The following MAGI1 variants were observed in gnomAD, a reference collection of about 807,000 sequenced individuals.
MAGI1 encodes membrane-associated guanylate kinase, WW and PDZ domain-containing protein 1.
MAGI1 carries 58 observed loss-of-function variants against 139.9 expected under a neutral mutation model. The ratio of observed to expected loss-of-function variants is 0.41; its 90% CI spans 0.34 to 0.52. MAGI1 has a LOEUF of 0.52. MAGI1 is among the 20% of genes least tolerant of loss of function. The pLI is 0.12. For synonymous variants in MAGI1, 812 were observed against 737.9 expected, an observed-to-expected ratio of 1.10 and a Z score of -1.63; for missense variants, 1,874 against 1,901.6, an observed-to-expected ratio of 0.99 and a Z score of 0.27.
At chr3:65,942,489 T>C (rs1576179620) in intron 1 of MAGI1, among the ~76,000 whole-genome samples, 1 of 152,172 alleles carries the variant, frequency 6.6e-6, no homozygotes, top group African/African-American at 2.4e-5. Context: ...GAAAAAACAT[T>C]TGGCATGATC....
intron 1 of MAGI1, among the ~76,000 whole-genome samples, chr3:65,976,059 G>GC (rs1442357901): frequency 6.6e-6 from 1 of 152,112 alleles, no homozygotes; most frequent in Non-Finnish European, 1.5e-5. Context: ...GTTGTCCTTT[G>GC]CAAGTGTTTC....
At chr3:65,740,947 C>G (rs1354229977) in intron 1 of MAGI1, among the ~76,000 whole-genome samples, 3 of 152,062 alleles carry the variant, frequency 2.0e-5, no homozygotes, top group Non-Finnish European at 4.4e-5. Context: ...TCTATCTTTC[C>G]TAAGTATTTC....
chr3:65,968,432 T>C (rs1193908099), intron 1 of MAGI1, among the ~76,000 whole-genome samples: 1 of 152,014 alleles, frequency 6.6e-6, no homozygotes, highest in African/African-American at 2.4e-5. Context: ...AAAGGTAAAC[T>C]CCAAGTCATT....
At chr3:65,804,131 A>C (rs1445855195) in intron 1 of MAGI1, among the ~76,000 whole-genome samples, 1 of 152,218 alleles carries the variant, frequency 6.6e-6, no homozygotes, top group Non-Finnish European at 1.5e-5. Flanking sequence ...CATTCATCTT[A>C]CTGATGTAGA....
At chr3:65,372,776 C>T (rs1265230616) in intron 18 of MAGI1, among the ~76,000 whole-genome samples, 5 of 152,192 alleles carry the variant, frequency 3.3e-5, no homozygotes, top group East Asian at 1.9e-4. Context: ...TTTTATGTTA[C>T]GGAGATGGTT....
At chr3:65,412,774 C>T (rs918475361) in intron 12 of MAGI1, among the ~76,000 whole-genome samples, 2 of 152,098 alleles carry the variant, frequency 1.3e-5, no homozygotes, top group Non-Finnish European at 2.9e-5. Flanking sequence ...CTGCCAGGTT[C>T]GGCTCAACTC....
chr3:65,908,133 T>C (rs925907801), intron 1 of MAGI1, among the ~76,000 whole-genome samples: 1 of 152,074 alleles, frequency 6.6e-6, no homozygotes, highest in Admixed American at 6.6e-5. Context: ...GAATCCAAAA[T>C]AACAGAAGAC....
Position 65,430,802 on chromosome 3 carries a change from G to A in MAGI1, c.1443C>T (p.Gly481=). 1 of 1,613,652 alleles carries A rather than the reference G, an allele frequency of 6.2e-7. No homozygotes were observed. The highest frequency in any genetic ancestry group is 8.5e-7 in the Non-Finnish European group (1 of 1,179,786). ...IHTKLRKSSR[G]FGFTVVGGDE... The stretch of plus-strand genomic sequence containing the variant: ...CCCCTCCAACCACCGTGAAGCCAAA[G>A]CCACGACTGCTTTTCCGCAGCTTTG... Residue 481 remains glycine, a synonymous_variant, in exon 11 of 23, where the codon GGC becomes GGT. Transcript: ENST00000402939.
At chr3:65,445,374 A>G (rs2107454540) in intron 7 of MAGI1, among the ~76,000 whole-genome samples, 1 of 152,334 alleles carries the variant, frequency 6.6e-6, no homozygotes, top group African/African-American at 2.4e-5. Context: ...GTTCCAGGAA[A>G]GCACAAAAGG....
intron 1 of MAGI1, among the ~76,000 whole-genome samples, chr3:65,697,738 G>GCTAT (rs1444665550): frequency 9.1e-6 from 1 of 109,548 alleles, no homozygotes; most frequent in Non-Finnish European, 1.8e-5. Flanking sequence ...AATAATAAGA[G>GCTAT]CTATCTATGA....
At chr3:65,496,771 T>C (rs978605588) in intron 2 of MAGI1, among the ~76,000 whole-genome samples, 1 of 152,198 alleles carries the variant, frequency 6.6e-6, no homozygotes, top group Non-Finnish European at 1.5e-5. Context: ...TGTTTACCTA[T>C]GTAACAAACC....
chr3:65,880,938 TAACA>T (rs2060303995), intron 1 of MAGI1, among the ~76,000 whole-genome samples: 1 of 152,136 alleles, frequency 6.6e-6, no homozygotes, highest in Non-Finnish European at 1.5e-5. Context: ...TGTGTGTATG[TAACA>T]GGGTCTCCCT....
rs778658055 is a variant in MAGI1, at chr3:65,381,858, G to C, written c.2701+19C>G. 1 of 1,593,032 alleles carries C rather than the reference G, an allele frequency of 6.3e-7. No individual in the cohort carries two copies. Among genetic ancestry groups the C allele is most frequent in the Non-Finnish European group, 8.6e-7 (1 of 1,169,348 alleles). On this transcript the variant is annotated intron_variant, in intron 16 of 22. Coordinates refer to ENST00000402939, the MANE Select transcript of MAGI1 (RefSeq NM_001033057.2). ...TAAAGTGACAACGCACTGTCTGAAGGAATGAATGAAATACATACCCGCAAA... is the reference window on the plus strand; with the variant it reads ...TAAAGTGACAACGCACTGTCTGAAGCAATGAATGAAATACATACCCGCAAA...
chr3:65,634,550 A>G (rs2107181656), intron 1 of MAGI1, among the ~76,000 whole-genome samples: 1 of 152,350 alleles, frequency 6.6e-6, no homozygotes, highest in South Asian at 2.1e-4. Flanking sequence ...TCTGAGCCTC[A>G]GTTCCCTAAT....
chr3:65,951,027 GGAAGGA>G (rs1560047275), intron 1 of MAGI1, among the ~76,000 whole-genome samples: 6 of 93,242 alleles, frequency 6.4e-5, no homozygotes, highest in Non-Finnish European at 1.5e-4. Flanking sequence ...AAGGAAGGAA[GGAAGGA>G]AGGAAAGGAG....
chr3:65,742,547 C>T (rs933376800), intron 1 of MAGI1, among the ~76,000 whole-genome samples: 6 of 152,316 alleles, frequency 3.9e-5, no homozygotes, highest in African/African-American at 9.6e-5. Context: ...ACCCCAGTCG[C>T]TTTTCCCAGA....
At chr3:65,792,542 A>G (rs1230922541) in intron 1 of MAGI1, among the ~76,000 whole-genome samples, 1 of 152,136 alleles carries the variant, frequency 6.6e-6, no homozygotes, top group African/African-American at 2.4e-5. Context: ...CTAATAATAT[A>G]TTGTTATAGC....
intron 3 of MAGI1, among the ~76,000 whole-genome samples, chr3:65,481,800 G>A (rs929047301): frequency 1.3e-5 from 2 of 152,176 alleles, no homozygotes; most frequent in Non-Finnish European, 1.5e-5. Flanking sequence ...ACTTAACTTT[G>A]ACAAATATGT....
At chr3:65,548,821 C>G (rs2079654611) in intron 2 of MAGI1, among the ~76,000 whole-genome samples, 1 of 152,140 alleles carries the variant, frequency 6.6e-6, no homozygotes, top group Admixed American at 6.5e-5. Context: ...CCGCTCCCGG[C>G]TGCAAACAAC....
Sources: allele counts gnomAD v4.1 joint callset (sites outside exome capture counted in the v4.1 genomes callset), GRCh38; gene constraint gnomAD v4.1.1; transcripts MANE v1.5; gene names NCBI Gene and HGNC (gene_info 2026-07-23, HGNC 2026-07-21).